NAALADL2: variants seen among roughly 807,000 people sequenced by gnomAD.
NAALADL2 encodes N-acetylated alpha-linked acidic dipeptidase like 2.
A neutral mutation model predicts 87.2 loss-of-function variants in NAALADL2; 76 were observed. The observed-to-expected ratio is 0.87, with a 90% CI of 0.72 to 1.05. The LOEUF is 1.05. Among genes scored for constraint, NAALADL2 ranks in the 50% least tolerant of loss-of-function variants. The pLI is 0.00. For synonymous variants in NAALADL2, 354 were observed against 331.0 expected, an observed-to-expected ratio of 1.07 and a Z score of -0.75; for missense variants, 1,089 against 945.8, an observed-to-expected ratio of 1.15 and a Z score of -1.99.
intron 10 of NAALADL2, among the ~76,000 whole-genome samples, chr3:175,602,292 ATTAG>A (rs1723068154): frequency 1.3e-5 from 2 of 152,112 alleles, no homozygotes; most frequent in African/African-American, 4.8e-5. Context: ...GTTAGCATTA[ATTAG>A]TTAATGATTA....
rs528376819 is a variant in NAALADL2, at chr3:175,076,690, GTTTC to G, written c.44-20096_44-20093del. Among the ~76,000 whole-genome samples, 747 of 152,096 alleles carry G rather than the reference GTTTC, an allele frequency of 4.9e-3. 10 individuals carry two copies. Among genetic ancestry groups the G allele is most frequent in the African/African-American group, 0.017 (721 of 41,498 alleles). On this transcript the variant is annotated intron_variant, in intron 1 of 13. Transcript: ENST00000454872. ...GATATCTAAATGTAATGATAATTCT[GTTTC>G]TTTTAGAGTTTCTGGTTGTAAGTTG...
intron 5 of NAALADL2, among the ~76,000 whole-genome samples, chr3:175,370,033 C>T (rs1560446778): frequency 6.6e-6 from 1 of 152,156 alleles, no homozygotes; most frequent in Non-Finnish European, 1.5e-5. Context: ...AATATTGTCA[C>T]ATGTCATCTG....
chr3:174,469,668 G>C (rs1716778038), intron 1 of NAALADL2, among the ~76,000 whole-genome samples: 1 of 152,020 alleles, frequency 6.6e-6, no homozygotes, highest in Non-Finnish European at 1.5e-5. Flanking sequence ...TTGACGTCGT[G>C]ATCCGCCCGC....
chr3:174,611,158 A>C (rs1020343929), intron 2 of NAALADL2, among the ~76,000 whole-genome samples: 2 of 97,776 alleles, frequency 2.0e-5, no homozygotes, highest in African/African-American at 8.2e-5. Flanking sequence ...TACTCTGGGG[A>C]CTGTTGTGAG....
intron 3 of NAALADL2, among the ~76,000 whole-genome samples, chr3:174,799,885 T>C (rs1718604301): frequency 1.3e-5 from 2 of 152,162 alleles, no homozygotes; most frequent in South Asian, 4.1e-4. Context: ...AGAAACATGT[T>C]GGGAGCTGGA....
chr3:175,240,935 A>G (rs150148853), intron 3 of NAALADL2, among the ~76,000 whole-genome samples: 1,603 of 152,184 alleles, frequency 0.011, 34 homozygotes, highest in African/African-American at 0.036. Context: ...TGCTAGGATT[A>G]CAGGCATGAG....
At chr3:175,517,466 C>A (rs548502075) in intron 9 of NAALADL2, among the ~76,000 whole-genome samples, 3 of 152,168 alleles carry the variant, frequency 2.0e-5, no homozygotes, top group Admixed American at 6.5e-5. Context: ...AGAATTAAAA[C>A]TAAATTTTTG....
At chr3:174,571,179 C>T (rs1032771167) in intron 2 of NAALADL2, among the ~76,000 whole-genome samples, 6 of 151,862 alleles carry the variant, frequency 4.0e-5, no homozygotes, top group African/African-American at 7.3e-5. Flanking sequence ...GTCTTTTGTA[C>T]GTGGCAAAAA....
At chr3:175,179,212 G>A (rs1736114748) in intron 2 of NAALADL2, among the ~76,000 whole-genome samples, 1 of 151,956 alleles carries the variant, frequency 6.6e-6, no homozygotes, top group African/African-American at 2.4e-5. Flanking sequence ...ATTTGCACAT[G>A]AGTTACTGCT....
intron 13 of NAALADL2, among the ~76,000 whole-genome samples, chr3:175,793,177 C>G (rs964274806): frequency 4.6e-5 from 7 of 152,070 alleles, no homozygotes; most frequent in African/African-American, 1.4e-4. Context: ...AACTTTTCTC[C>G]TAAACAATAA....
intron 2 of NAALADL2, among the ~76,000 whole-genome samples, chr3:175,192,270 T>A (rs1738321762): frequency 6.6e-6 from 1 of 152,034 alleles, no homozygotes; most frequent in Non-Finnish European, 1.5e-5. Flanking sequence ...CAAAGCAGTG[T>A]TTTACTATTG....
At chr3:174,793,751 A>G (rs911878378) in intron 3 of NAALADL2, among the ~76,000 whole-genome samples, 5 of 151,726 alleles carry the variant, frequency 3.3e-5, no homozygotes, top group African/African-American at 7.3e-5. Context: ...AAATAATTCT[A>G]TCAACCAGGT....
chr3:175,631,383 C>A (rs904577516), intron 11 of NAALADL2, among the ~76,000 whole-genome samples: 1 of 151,420 alleles, frequency 6.6e-6, no homozygotes, highest in African/African-American at 2.4e-5. Context: ...AATAAATAAA[C>A]CATACTCATA....
At chr3:174,953,662 T>C (rs1275652711) in intron 1 of NAALADL2, among the ~76,000 whole-genome samples, 1 of 151,952 alleles carries the variant, frequency 6.6e-6, no homozygotes, top group Non-Finnish European at 1.5e-5. Flanking sequence ...CCTTGGGCTG[T>C]GGCTGACTAG....
intron 4 of NAALADL2, among the ~76,000 whole-genome samples, chr3:175,280,939 A>C (rs1053722371): frequency 1.3e-5 from 2 of 151,984 alleles, no homozygotes; most frequent in African/African-American, 4.8e-5. Flanking sequence ...TGATGAAGAA[A>C]AATGTCTCTC....
At position 174,557,619 on chromosome 3, in the gene NAALADL2, T is replaced by C. The variant is rs144733490; in HGVS notation, c.-115+6982T>C. Among the ~76,000 whole-genome samples the C allele has an allele frequency of 9.3e-3, 1,417 of 152,280 alleles. 19 individuals carry two copies. The highest frequency in any genetic ancestry group is 0.045 in the South Asian group (216 of 4,830). On this transcript the variant is annotated intron_variant, in intron 2 of 3. Coordinates refer to the NAALADL2 transcript ENST00000434257. The stretch of plus-strand genomic sequence containing the variant: ...TTGTTAATCTGCTCATGGAGAAATA[T>C]TTTCATCCAGTTACTACTGTTCCTA...
intron 1 of NAALADL2, among the ~76,000 whole-genome samples, chr3:174,534,797 G>T (rs552355840): frequency 6.6e-6 from 1 of 152,206 alleles, no homozygotes; most frequent in East Asian, 1.9e-4. Flanking sequence ...AGACATGGAA[G>T]GTGAATCGGT....
At chr3:175,722,493 A>G (rs1742372028) in intron 11 of NAALADL2, among the ~76,000 whole-genome samples, 1 of 152,172 alleles carries the variant, frequency 6.6e-6, no homozygotes, top group African/African-American at 2.4e-5. Flanking sequence ...AATAAGTTGA[A>G]TAAATGGGCA....
chr3:175,119,962 AG>A (rs1725910085), intron 2 of NAALADL2, among the ~76,000 whole-genome samples: 1 of 24,380 alleles, frequency 4.1e-5, no homozygotes, highest in African/African-American at 3.5e-4. Context: ...CAAGGGTGAG[AG>A]GGGAAAGGCC....
Sources: gnomAD v4.1 joint callset for allele counts (sites outside exome capture counted in the v4.1 genomes callset) on GRCh38, gnomAD v4.1.1 for gene constraint, MANE v1.5 for transcripts, NCBI Gene and HGNC (gene_info 2026-07-23, HGNC 2026-07-21) for gene names.